COG5: variants seen among roughly 807,000 people sequenced by gnomAD.
COG5 encodes the protein component of oligomeric golgi complex 5.
COG5 carries 86 observed loss-of-function variants against 110.4 expected under a neutral mutation model. That is an observed-to-expected ratio of 0.78 (90% CI 0.65 to 0.93). COG5 has a LOEUF of 0.93. Among genes scored for constraint, COG5 ranks in the 40% least tolerant of loss-of-function variants. The pLI, the probability that COG5 is intolerant of heterozygous loss-of-function variation, is 0.00. For synonymous variants in COG5, 360 were observed against 334.6 expected (o/e 1.08, Z -0.83); for missense variants, 1,077 against 987.0 (o/e 1.09, Z -1.22).
Position 107,558,914 on chromosome 7 carries a change from CAAA to C in COG5, c.95-802_95-800del, listed in dbSNP as rs34483652. On this transcript the variant is annotated intron_variant, in intron 1 of 21. Coordinates refer to ENST00000297135, the MANE Select transcript of COG5 (RefSeq NM_006348.5). ...AAAAAAAAAAAAAAAGACTTCATCTCAAAAAAAAAAAAAAAAAAAAACCATAAC... is the reference window on the plus strand; with the variant it reads ...AAAAAAAAAAAAAAAGACTTCATCTCAAAAAAAAAAAAAAAAAACCATAAC... Among the ~76,000 whole-genome samples the C allele has an allele frequency of 3.1e-3, 96 of 31,170 alleles. 1 individual carries two copies. Among genetic ancestry groups the C allele is most frequent in the African/African-American group, 5.7e-3 (67 of 11,822 alleles). 20.4% of individuals were successfully genotyped at this position (31,170 alleles called of 152,430 possible).
chr7:107,440,776 A>T (rs1794657948), intron 6 of COG5, among the ~76,000 whole-genome samples: 1 of 152,224 alleles, frequency 6.6e-6, no homozygotes, highest in Admixed American at 6.5e-5. Context: ...GAATACATCA[A>T]GGTGCTGAGA....
chr7:107,400,866 A>G (rs1230912690), intron 7 of COG5, among the ~76,000 whole-genome samples: 2 of 152,178 alleles, frequency 1.3e-5, no homozygotes, highest in Non-Finnish European at 2.9e-5. Context: ...CATACTTTAC[A>G]TTTGGTGTAA....
At chr7:107,362,669 G>C (rs1187047333) in intron 8 of COG5, among the ~76,000 whole-genome samples, 1 of 152,070 alleles carries the variant, frequency 6.6e-6, no homozygotes, top group Non-Finnish European at 1.5e-5. Flanking sequence ...GGTGGGAAAT[G>C]AAACAGGTGA....
At chr7:107,261,773 A>G (rs1803372346) in intron 14 of COG5, among the ~76,000 whole-genome samples, 1 of 152,076 alleles carries the variant, frequency 6.6e-6, no homozygotes, top group Admixed American at 6.6e-5. Flanking sequence ...CTCTCTCTCA[A>G]ATCTGAGTTC....
chr7:107,419,442 C>T (rs1563023680), intron 6 of COG5, among the ~76,000 whole-genome samples: 1 of 151,342 alleles, frequency 6.6e-6, no homozygotes, highest in Non-Finnish European at 1.5e-5. Context: ...AAATATTTTA[C>T]CACCAATTAT....
At chr7:107,424,168 G>C (rs1053958080) in intron 6 of COG5, among the ~76,000 whole-genome samples, 1 of 152,030 alleles carries the variant, frequency 6.6e-6, no homozygotes, top group South Asian at 2.1e-4. Flanking sequence ...AGCTACTCGG[G>C]AGGCTGAGGC....
chr7:107,248,968 A>G (rs932452264), intron 16 of COG5, among the ~76,000 whole-genome samples: 1 of 152,204 alleles, frequency 6.6e-6, no homozygotes, highest in Non-Finnish European at 1.5e-5. Flanking sequence ...TCAAGGGTAC[A>G]TGTGCAGATT....
chr7:107,369,176 A>C (rs576478488), intron 8 of COG5, among the ~76,000 whole-genome samples: 1 of 152,268 alleles, frequency 6.6e-6, no homozygotes, highest in South Asian at 2.1e-4. Context: ...ATGCAAAAAC[A>C]ATTTAATATG....
chr7:107,558,908 T>A (rs1584966864), intron 1 of COG5, among the ~76,000 whole-genome samples: 1 of 68,558 alleles, frequency 1.5e-5, no homozygotes, highest in Non-Finnish European at 2.8e-5. Flanking sequence ...AAAAAAGACT[T>A]CATCTCAAAA....
intron 6 of COG5, among the ~76,000 whole-genome samples, chr7:107,502,478 AG>A (rs1295683987): frequency 6.6e-6 from 1 of 152,174 alleles, no homozygotes; most frequent in Non-Finnish European, 1.5e-5. Context: ...TCTGCAATAA[AG>A]ATATGTGTGC....
chr7:107,375,914 A>G (rs1245485773), intron 7 of COG5, among the ~76,000 whole-genome samples: 1 of 151,968 alleles, frequency 6.6e-6, no homozygotes, highest in Non-Finnish European at 1.5e-5. Flanking sequence ...GATATCTTTC[A>G]TTCATAAAGT....
At chr7:107,272,897 C>T (rs772137964) in intron 14 of COG5, among the ~76,000 whole-genome samples, 1 of 152,188 alleles carries the variant, frequency 6.6e-6, no homozygotes, top group Non-Finnish European at 1.5e-5. Flanking sequence ...ATGTCTGATA[C>T]AGCAAAGGAT....
At chr7:107,244,151 C>T (rs1016852733) in intron 17 of COG5, among the ~76,000 whole-genome samples, 4 of 152,122 alleles carry the variant, frequency 2.6e-5, no homozygotes, top group Non-Finnish European at 5.9e-5. Context: ...ACTCAGGAGG[C>T]TGAGGCAGGA....
chr7:107,282,121 G>A (rs958882953), intron 13 of COG5, among the ~76,000 whole-genome samples: 1 of 152,012 alleles, frequency 6.6e-6, no homozygotes, highest in Non-Finnish European at 1.5e-5. Context: ...CCCTAAAGTA[G>A]TAGAGTAAAT....
At chr7:107,365,272 G>T (rs1047960358) in intron 8 of COG5, among the ~76,000 whole-genome samples, 2 of 151,892 alleles carry the variant, frequency 1.3e-5, no homozygotes, top group African/African-American at 2.4e-5. Context: ...AGTTAGTGAC[G>T]GTGGAATAAA....
intron 17 of COG5, among the ~76,000 whole-genome samples, chr7:107,237,670 G>A (rs574568219): frequency 6.6e-6 from 1 of 152,234 alleles, no homozygotes; most frequent in South Asian, 2.1e-4. Context: ...GATAGAAGAA[G>A]TAGGCCTATG....
chr7:107,340,776 A>G (rs1037991950), intron 10 of COG5, among the ~76,000 whole-genome samples: 2 of 152,224 alleles, frequency 1.3e-5, no homozygotes, highest in Non-Finnish European at 2.9e-5. Context: ...ATTAAAAACA[A>G]AAACCATATG....
At chr7:107,409,244 A>G (rs1461107476) in intron 7 of COG5, among the ~76,000 whole-genome samples, 1 of 151,502 alleles carries the variant, frequency 6.6e-6, no homozygotes, top group Non-Finnish European at 1.5e-5. Flanking sequence ...AAAAAAAAAA[A>G]AAAGAAAACA....
intron 19 of COG5, among the ~76,000 whole-genome samples, chr7:107,226,775 G>A (rs988165834): frequency 4.6e-5 from 7 of 152,070 alleles, no homozygotes; most frequent in Admixed American, 3.9e-4. Flanking sequence ...CTAATCCTAC[G>A]CTTTTTATAA....
Sources: gnomAD v4.1 joint callset for allele counts (sites outside exome capture counted in the v4.1 genomes callset) on GRCh38, gnomAD v4.1.1 for gene constraint, MANE v1.5 for transcripts, NCBI Gene and HGNC (gene_info 2026-07-23, HGNC 2026-07-21) for gene names.